MDGA2: variants seen among roughly 807,000 people sequenced by gnomAD.
The protein encoded by MDGA2 is MAM domain-containing glycosylphosphatidylinositol anchor protein 2.
MDGA2 carries 40 observed loss-of-function variants against 117.8 expected under a neutral mutation model. That is an observed-to-expected ratio of 0.34 (90% confidence interval 0.26 to 0.44). The LOEUF is 0.44. MDGA2 is among the 20% of genes least tolerant of loss of function. MDGA2 has a pLI of 1.00. For missense variants in MDGA2, 1,123 were observed against 1,250.6 expected, an observed-to-expected ratio of 0.90 and a Z score of 1.54; for synonymous variants, 452 against 439.0, an observed-to-expected ratio of 1.03 and a Z score of -0.37.
At chr14:47,185,211 A>G (rs1349943583) in intron 3 of MDGA2, among the ~76,000 whole-genome samples, 2 of 151,254 alleles carry the variant, frequency 1.3e-5, no homozygotes, top group African/African-American at 4.8e-5. Context: ...TAACCAGAAT[A>G]ATATTATGGA....
rs113043806 is a variant in MDGA2, at chr14:47,663,105, C to T, written c.280+11412G>A. Reference sequence around the variant, plus strand: ...AGAGTAACCCATGAAAAACAAGGAACGAGTTCAGAACTGAAATAAAAGCAT... The same window carrying T: ...AGAGTAACCCATGAAAAACAAGGAATGAGTTCAGAACTGAAATAAAAGCAT... On this transcript the variant is annotated intron_variant, in intron 1 of 16. Coordinates refer to ENST00000399232, the MANE Select transcript of MDGA2 (RefSeq NM_001113498.3). Among the ~76,000 whole-genome samples, 25 of 152,198 alleles carry T rather than the reference C, an allele frequency of 1.6e-4. 1 individual carries two copies. Among genetic ancestry groups the T allele is most frequent in the Admixed American group, 7.2e-4 (11 of 15,294 alleles).
intron 1 of MDGA2, among the ~76,000 whole-genome samples, chr14:47,458,595 G>A (rs11850774): frequency 0.19 from 28,936 of 151,976 alleles, 3,397 homozygotes; most frequent in East Asian, 0.52. Flanking sequence ...GTAGCATTGT[G>A]ACCATAGGTA....
At chr14:47,227,730 G>A (rs1020202634) in intron 2 of MDGA2, among the ~76,000 whole-genome samples, 8 of 151,912 alleles carry the variant, frequency 5.3e-5, no homozygotes, top group Non-Finnish European at 7.4e-5. Context: ...TTATGAATTA[G>A]ACAAAATCTC....
intron 1 of MDGA2, among the ~76,000 whole-genome samples, chr14:47,312,927 CATAT>C (rs10672253): frequency 1.4e-5 from 2 of 146,464 alleles, no homozygotes; most frequent in Non-Finnish European, 3.0e-5. Flanking sequence ...TATATATATA[CATAT>C]ATATATATAT....
chr14:47,256,097 C>CT lies in MDGA2; in HGVS notation c.421-37903dup, dbSNP rs113355073. 4.6e-3 allele frequency among the ~76,000 whole-genome samples: 620 copies of CT among 136,016 alleles called. 4 individuals carry two copies. The highest frequency in any genetic ancestry group is 0.024 in the East Asian group (113 of 4,638). The allele number at this position is 136,016 out of a possible 152,430, so 89.2% of individuals were successfully genotyped here. On this transcript the variant is annotated intron_variant, in intron 2 of 16. Coordinates refer to ENST00000399232, the MANE Select transcript of MDGA2 (RefSeq NM_001113498.3). ...CCTTTTTTGGTTTTAAATCAAATTT[C>CT]TTTTTTTTTTTTTTTCTGAAGCCCT...
chr14:47,055,703 A>G (rs1046877508), intron 7 of MDGA2, among the ~76,000 whole-genome samples: 1 of 152,166 alleles, frequency 6.6e-6, no homozygotes, highest in African/African-American at 2.4e-5. Flanking sequence ...AATGCATTAC[A>G]GCCTGTGGGC....
rs3040345 is a variant in MDGA2 at position 47,609,428 on chromosome 14, CATATATATATATATATATAT to C, written c.280+65069_280+65088del. ...TTTCTATGGCTGAGTAGTATTCCAT[CATATATATATATATATATAT>C]ATATATATATATATATAAGTTTCTT... On this transcript the variant is annotated intron_variant, in intron 1 of 16. Coordinates refer to ENST00000399232, the MANE Select transcript of MDGA2 (RefSeq NM_001113498.3). Among the ~76,000 whole-genome samples the C allele has an allele frequency of 1.5e-3, 27 of 17,558 alleles. 2 individuals are homozygous for C. The highest frequency in any genetic ancestry group is 5.3e-3 in the East Asian group (1 of 190). 11.5% of individuals were successfully genotyped at this position (17,558 alleles called of 152,430 possible).
At chr14:47,098,162 G>T (rs1316533463) in intron 5 of MDGA2, among the ~76,000 whole-genome samples, 8 of 141,594 alleles carry the variant, frequency 5.6e-5, no homozygotes, top group Non-Finnish European at 1.1e-4. Context: ...ATTGTACTGT[G>T]TTTTTTTTAA....
intron 1 of MDGA2, among the ~76,000 whole-genome samples, chr14:47,664,502 T>A (rs1897906391): frequency 6.6e-6 from 1 of 152,230 alleles, no homozygotes; most frequent in African/African-American, 2.4e-5. Context: ...CTTCTATGCA[T>A]CAGCCCACTC....
chr14:47,629,724 A>G (rs1897218629), intron 1 of MDGA2, among the ~76,000 whole-genome samples: 1 of 152,234 alleles, frequency 6.6e-6, no homozygotes, highest in South Asian at 2.1e-4. Context: ...TTTATAGTTA[A>G]GCAATTAAAA....
intron 5 of MDGA2, among the ~76,000 whole-genome samples, chr14:47,097,634 A>G (rs1297644996): frequency 1.3e-5 from 2 of 152,064 alleles, no homozygotes; most frequent in East Asian, 3.9e-4. Context: ...TTTACCATTC[A>G]GTGAGCCTGA....
chr14:47,176,325 C>A (rs1275955928), intron 3 of MDGA2, among the ~76,000 whole-genome samples: 2 of 152,164 alleles, frequency 1.3e-5, no homozygotes, highest in African/African-American at 2.4e-5. Context: ...GGAACCAAAA[C>A]AGAGCCGGCA....
intron 1 of MDGA2, among the ~76,000 whole-genome samples, chr14:47,643,238 A>C (rs1346704624): frequency 6.6e-6 from 1 of 152,230 alleles, no homozygotes; most frequent in African/African-American, 2.4e-5. Context: ...TAAAAGGAAA[A>C]TATTTTAAAG....
chr14:47,173,584 C>T (rs1884285449), intron 3 of MDGA2, among the ~76,000 whole-genome samples: 1 of 152,114 alleles, frequency 6.6e-6, no homozygotes, highest in Non-Finnish European at 1.5e-5. Flanking sequence ...AAATACTTTA[C>T]AGACAAGCAA....
chr14:47,604,502 C>T (rs1361803714), intron 1 of MDGA2, among the ~76,000 whole-genome samples: 2 of 126,938 alleles, frequency 1.6e-5, no homozygotes, highest in East Asian at 6.2e-4. Context: ...CCCCCACCCT[C>T]ACCCCCCTAT....
chr14:47,310,127 G>T (rs1889588546), intron 1 of MDGA2, among the ~76,000 whole-genome samples: 1 of 152,020 alleles, frequency 6.6e-6, no homozygotes, highest in Non-Finnish European at 1.5e-5. Context: ...TTACACATTG[G>T]CAGCTTCAGA....
intron 3 of MDGA2, among the ~76,000 whole-genome samples, chr14:47,192,970 T>A (rs568557246): frequency 6.6e-6 from 1 of 152,246 alleles, no homozygotes. Flanking sequence ...ACAGTTTTCA[T>A]GTAAACCTCC....
In MDGA2 at chr14:47,298,845, C is replaced by T. The variant is rs1889174729; in HGVS notation, c.420+2566G>A. ...GACTACAGGCACCCGCGACCACGTCCGGCTAATTTTTTTTGCATTTTTAGT... is the reference window on the plus strand; with the variant it reads ...GACTACAGGCACCCGCGACCACGTCTGGCTAATTTTTTTTGCATTTTTAGT... On this transcript the variant is annotated intron_variant, in intron 2 of 16. Coordinates refer to ENST00000399232, the MANE Select transcript of MDGA2 (RefSeq NM_001113498.3). Among the ~76,000 whole-genome samples, 5 of 151,862 alleles carry T rather than the reference C, an allele frequency of 3.3e-5. 1 individual carries two copies. The highest frequency in any genetic ancestry group is 3.3e-4 in the Admixed American group (5 of 15,254).
At chr14:46,850,729 A>G (rs903043940) in intron 15 of MDGA2, among the ~76,000 whole-genome samples, 3 of 151,936 alleles carry the variant, frequency 2.0e-5, no homozygotes, top group African/African-American at 7.2e-5. Flanking sequence ...AAACTACCCA[A>G]ATATGAACAG....
Sources: allele counts gnomAD v4.1 joint callset (sites outside exome capture counted in the v4.1 genomes callset), GRCh38; gene constraint gnomAD v4.1.1; transcripts MANE v1.5; gene names NCBI Gene and HGNC (gene_info 2026-07-23, HGNC 2026-07-21).